PIAS2: variants seen among roughly 807,000 people sequenced by gnomAD.
The protein encoded by PIAS2 is E3 SUMO-protein ligase PIAS2.
Under a neutral mutation model 69.7 loss-of-function variants are expected in PIAS2, and 19 were observed. The ratio of observed to expected loss-of-function variants is 0.27; its 90% CI spans 0.19 to 0.40. The LOEUF (loss-of-function observed/expected upper bound fraction) is 0.40. PIAS2 is among the 10% of genes least tolerant of loss of function. PIAS2 has a pLI of 1.00. For synonymous variants in PIAS2, 261 were observed against 263.2 expected, an observed-to-expected ratio of 0.99 and a Z score of 0.08; for missense variants, 624 against 757.0, an observed-to-expected ratio of 0.82 and a Z score of 2.06.
intron 2 of PIAS2, among the ~76,000 whole-genome samples, chr18:46,879,694 T>C (rs1416438511): frequency 6.6e-6 from 1 of 152,088 alleles, no homozygotes; most frequent in Non-Finnish European, 1.5e-5. Context: ...TAAAACACCA[T>C]GTATACATAC....
At chr18:46,824,043 T>C (rs1368854815) in intron 11 of PIAS2, among the ~76,000 whole-genome samples, 3 of 152,242 alleles carry the variant, frequency 2.0e-5, no homozygotes, top group Non-Finnish European at 2.9e-5. Context: ...ATAGGATTGG[T>C]AAACACACAC....
intron 13 of PIAS2, among the ~76,000 whole-genome samples, chr18:46,813,042 C>T (rs1424850773): frequency 2.6e-5 from 4 of 152,042 alleles, no homozygotes; most frequent in Admixed American, 2.0e-4. Context: ...TAGCCTTTCC[C>T]GGTATGGATT....
intron 3 of PIAS2, among the ~76,000 whole-genome samples, 192 bp downstream of exon 3, chr18:46,863,972 G>A (rs1047017578): frequency 3.9e-5 from 6 of 152,126 alleles, no homozygotes; most frequent in Admixed American, 3.3e-4. Context: ...CATCTGAGAC[G>A]TGCAAGCCAA....
chr18:46,896,636 T>C (rs993278443), intron 1 of PIAS2, among the ~76,000 whole-genome samples: 1 of 152,226 alleles, frequency 6.6e-6, no homozygotes, highest in African/African-American at 2.4e-5. Context: ...CAGGGAGAAG[T>C]CCACCCTATC....
At chr18:46,893,961 A>C (rs1308256049) in intron 1 of PIAS2, among the ~76,000 whole-genome samples, 1 of 152,094 alleles carries the variant, frequency 6.6e-6, no homozygotes, top group Non-Finnish European at 1.5e-5. Context: ...CCCCGTCTCT[A>C]CTAAAATTAC....
At chr18:46,857,793 TC>T (rs1229308246) in intron 3 of PIAS2, among the ~76,000 whole-genome samples, 4 of 152,200 alleles carry the variant, frequency 2.6e-5, no homozygotes, top group African/African-American at 9.6e-5. Context: ...CTTCTGACAT[TC>T]ATTTCTGCCA....
At chr18:46,834,980 A>C (rs1222972364) in intron 9 of PIAS2, among the ~76,000 whole-genome samples, 1 of 152,266 alleles carries the variant, frequency 6.6e-6, no homozygotes, top group Non-Finnish European at 1.5e-5. Flanking sequence ...AACTTGAAGA[A>C]AACTCCACAG....
At chr18:46,887,455 G>GA (rs2053397000) in intron 2 of PIAS2, among the ~76,000 whole-genome samples, 1 of 152,074 alleles carries the variant, frequency 6.6e-6, no homozygotes, top group Admixed American at 6.5e-5. Context: ...TCCCAAGAAA[G>GA]AAAAGAAAGC....
chr18:46,914,814 A>G (rs1909816465), intron 1 of PIAS2, among the ~76,000 whole-genome samples: 1 of 152,158 alleles, frequency 6.6e-6, no homozygotes, highest in Non-Finnish European at 1.5e-5. Context: ...ACTGCCAAGA[A>G]GTTAGCCAAC....
chr18:46,895,050 G>C (rs998326441), intron 1 of PIAS2, among the ~76,000 whole-genome samples: 3 of 150,316 alleles, frequency 2.0e-5, no homozygotes, highest in Non-Finnish European at 4.4e-5. Flanking sequence ...TCCAGCCTAG[G>C]CAACGAGAGG....
At chr18:46,919,303 A>C (rs1312821693), upstream of PIAS2, among the ~76,000 whole-genome samples, 1 of 152,044 alleles carries the variant, frequency 6.6e-6, no homozygotes, top group East Asian at 1.9e-4. Context: ...CCTGACCAAC[A>C]TGGAGAAACC....
chr18:46,840,337 C>A (rs1445242089), intron 8 of PIAS2, among the ~76,000 whole-genome samples: 2 of 152,104 alleles, frequency 1.3e-5, no homozygotes, highest in Non-Finnish European at 2.9e-5. Context: ...TATTGGGTAA[C>A]CCACGTTAAA....
At position 46,910,558 on chromosome 18, in the gene PIAS2, C is replaced by A. The variant is rs1371885459; in HGVS notation, c.24+6764G>T. ...AAGGTATTTCCCCATAAATCAAGGA[C>A]AGGTTGCTATTTAAAAAGAAAGAAA... On this transcript the variant is annotated intron_variant, in intron 1 of 13. Transcript: ENST00000585916. Among the ~76,000 whole-genome samples the A allele has an allele frequency of 3.3e-5, 5 of 152,090 alleles. No individual in the cohort carries two copies. In the East Asian group the frequency reaches 7.7e-4, roughly 23 times the overall value.
At chr18:46,834,504 A>C (rs1460458067) in intron 9 of PIAS2, among the ~76,000 whole-genome samples, 1 of 152,242 alleles carries the variant, frequency 6.6e-6, no homozygotes, top group African/African-American at 2.4e-5. Context: ...ATAATGACCA[A>C]TATATGGAAT....
intron 12 of PIAS2, 143 bp downstream of exon 12, chr18:46,820,790 A>G (rs1159749366): frequency 1.1e-5 from 7 of 619,428 alleles, no homozygotes. Context: ...GATGTATAAA[A>G]ACAGATAAGA....
At chr18:46,841,654 A>G (rs2045405163) in intron 8 of PIAS2, among the ~76,000 whole-genome samples, 1 of 152,226 alleles carries the variant, frequency 6.6e-6, no homozygotes, top group Non-Finnish European at 1.5e-5. Flanking sequence ...AAAGAGTAGC[A>G]TTCATTCTTT....
chr18:46,815,599 T>C, intron 12 of PIAS2: 2 of 1,156,228 alleles, frequency 1.7e-6, no homozygotes, highest in South Asian at 3.1e-5. Flanking sequence ...AACTTTCCAG[T>C]GAAGGACTAG....
intron 1 of PIAS2, among the ~76,000 whole-genome samples, chr18:46,907,115 A>G (rs2056715928): frequency 2.0e-5 from 3 of 152,202 alleles, no homozygotes; most frequent in Admixed American, 6.6e-5. Context: ...TGGAGAGGTT[A>G]AAAGTCCAGC....
At position 46,829,784 on chromosome 18, in the gene PIAS2, G is replaced by T. The variant is rs770114950; in HGVS notation, c.1286C>A (p.Pro429Gln). ...GGATACTTTCATAGCTTCTTTCTTCGGTCTCATTGGACACCAAGAACCATC... is the reference window on the plus strand; with the variant it reads ...GGATACTTTCATAGCTTCTTTCTTCTGTCTCATTGGACACCAAGAACCATC... ...QEDGSWCPMRPKKEAMKVSSQ... is the reference protein window; with the variant it reads ...QEDGSWCPMRQKKEAMKVSSQ... The change falls in exon 10 of 14, where the codon CCG (proline) becomes CAG (glutamine). Residue 429 changes from proline (P) to glutamine (Q), a missense_variant. Pro to Gln is a moderately conservative substitution (Grantham distance 76). Coordinates refer to ENST00000585916, the MANE Select transcript of PIAS2 (RefSeq NM_004671.5). The T allele has an allele frequency of 2.5e-6, 4 of 1,612,604 alleles. No homozygotes were observed. Among genetic ancestry groups the T allele is most frequent in the South Asian group, 1.1e-5 (1 of 90,994 alleles).
Sources: gnomAD v4.1 joint callset for allele counts (sites outside exome capture counted in the v4.1 genomes callset) on GRCh38, gnomAD v4.1.1 for gene constraint, MANE v1.5 for transcripts, NCBI Gene and HGNC (gene_info 2026-07-23, HGNC 2026-07-21) for gene names.